WWP2: variants seen among roughly 807,000 people sequenced by gnomAD.
WWP2 encodes NEDD4-like E3 ubiquitin-protein ligase WWP2.
Under a neutral mutation model 121.0 loss-of-function variants are expected in WWP2, and 57 were observed. The ratio of observed to expected loss-of-function variants is 0.47; its 90% CI spans 0.38 to 0.59. The LOEUF (loss-of-function observed/expected upper bound fraction) is 0.59, where lower values mean the gene tolerates loss of function less well. WWP2 is among the 20% of genes least tolerant of loss of function. The pLI is 0.00. For missense variants in WWP2, 962 were observed against 1,158.9 expected, an observed-to-expected ratio of 0.83 and a Z score of 2.47; for synonymous variants, 449 against 441.3, an observed-to-expected ratio of 1.02 and a Z score of -0.22.
chr16:69,892,679 G>A (rs1285577634), intron 8 of WWP2, among the ~76,000 whole-genome samples: 1 of 152,064 alleles, frequency 6.6e-6, no homozygotes, highest in East Asian at 1.9e-4. Context: ...GACTACAGGT[G>A]CCTGCCACCA....
chr16:69,844,047 G>A (rs1339083217), intron 6 of WWP2, among the ~76,000 whole-genome samples: 1 of 152,168 alleles, frequency 6.6e-6, no homozygotes, highest in Admixed American at 6.5e-5. Context: ...GCAAGTGGCG[G>A]GAGCAAGACA....
intron 11 of WWP2, among the ~76,000 whole-genome samples, chr16:69,927,886 T>A (rs1413573101): frequency 6.6e-6 from 1 of 152,242 alleles, no homozygotes. Flanking sequence ...GGTCTCGAAC[T>A]CCTGGGCTCG....
At chr16:69,887,903 A>G in intron 7 of WWP2, 136 bp from the exon 8 acceptor site, 1 of 1,020,004 alleles carries the variant, frequency 9.8e-7, no homozygotes, top group Non-Finnish European at 1.4e-6. Flanking sequence ...TGTTTTGTAA[A>G]ACTTTTTGCT....
intron 6 of WWP2, among the ~76,000 whole-genome samples, chr16:69,851,876 G>A (rs1469731896): frequency 6.6e-6 from 1 of 152,058 alleles, no homozygotes; most frequent in Non-Finnish European, 1.5e-5. Flanking sequence ...CCAGCTACTC[G>A]GGAGGCTGAG....
At chr16:69,771,458 G>T (rs1567654234) in intron 1 of WWP2, among the ~76,000 whole-genome samples, 1 of 152,130 alleles carries the variant, frequency 6.6e-6, no homozygotes, top group Non-Finnish European at 1.5e-5. Context: ...TGTTGGCCAG[G>T]CTGGTCTCGA....
Position 69,931,572 on chromosome 16 carries a change from T to C in WWP2, c.1585T>C (p.Phe529Leu). ...VSRQTLFEDS[F>L]QQIMNMKPYD... is the part of the protein sequence containing the mutation. ...CAGGCAGACGCTTTTCGAAGATTCC[T>C]TCCAACAGGTTAGATCATGGTGCCC... The change falls in exon 15 of 24, where the codon TTC becomes CTC. Residue 529 changes from phenylalanine (F) to leucine (L), a missense_variant. By Grantham distance (22) the Phe-to-Leu change is conservative. Around this residue, in one of 3 missense-constraint regions of WWP2, gnomAD observed 606 missense variants for 772.6 expected, o/e 0.78. Transcript: ENST00000359154. 6.2e-7 allele frequency: 1 copy of C among 1,614,036 alleles called. No homozygotes were observed. The highest frequency in any genetic ancestry group is 1.1e-5 in the South Asian group (1 of 91,070).
At chr16:69,904,518 G>T (rs924550005) in intron 8 of WWP2, among the ~76,000 whole-genome samples, 14 of 151,884 alleles carry the variant, frequency 9.2e-5, no homozygotes, top group Admixed American at 8.5e-4. Context: ...ACAGGTATGT[G>T]CCAGCACATC....
chr16:69,808,346 T>A (rs1315819240), intron 4 of WWP2, among the ~76,000 whole-genome samples: 1 of 152,102 alleles, frequency 6.6e-6, no homozygotes, highest in East Asian at 1.9e-4. Context: ...CACTTTGGTC[T>A]CCAAAAATGC....
chr16:69,930,521 AC>A (rs939411120), intron 13 of WWP2, among the ~76,000 whole-genome samples: 5 of 152,048 alleles, frequency 3.3e-5, no homozygotes, highest in African/African-American at 9.7e-5. Context: ...AAATGGCAAG[AC>A]CCCATCTCTA....
At chr16:69,791,646 G>A (rs2055913362) in intron 2 of WWP2, among the ~76,000 whole-genome samples, 1 of 152,192 alleles carries the variant, frequency 6.6e-6, no homozygotes, top group Non-Finnish European at 1.5e-5. Context: ...AGCCTCCTGA[G>A]TAGCTAGGAC....
chr16:69,931,517 C>G lies in WWP2; in HGVS notation c.1530C>G (p.Ala510=). The part of the protein sequence containing the change: ...HQFRFLCHSN[A]LPSHVKISVS... The stretch of plus-strand genomic sequence containing the variant: ...TCTTTTTTTTTTTTCAGTCAAATGC[C>G]CTACCTAGCCACGTGAAGATCAGCG... The change falls in exon 15 of 24, where the codon GCC becomes GCG. Residue 510 remains alanine (A), a synonymous_variant. Coordinates refer to ENST00000359154, the MANE Select transcript of WWP2 (RefSeq NM_001270454.2). The G allele has an allele frequency of 6.2e-7, 1 of 1,613,714 alleles. No individual in the cohort carries two copies. The highest frequency in any genetic ancestry group is 8.5e-7 in the Non-Finnish European group (1 of 1,179,924).
At chr16:69,862,199 G>A (rs967898751) in intron 6 of WWP2, among the ~76,000 whole-genome samples, 12 of 152,246 alleles carry the variant, frequency 7.9e-5, no homozygotes, top group African/African-American at 2.9e-4. Flanking sequence ...CTGAGTAGCT[G>A]GGATTACAGG....
At chr16:69,930,400 C>A in intron 13 of WWP2, 142 bp downstream of exon 13, 1 of 1,334,976 alleles carries the variant, frequency 7.5e-7, no homozygotes, top group Non-Finnish European at 1.0e-6. Context: ...ATGTTGATGT[C>A]ATATTAAAGG....
chr16:69,880,481 T>C (rs1278277829), intron 7 of WWP2, among the ~76,000 whole-genome samples: 4 of 152,224 alleles, frequency 2.6e-5, no homozygotes, highest in Non-Finnish European at 5.9e-5. Flanking sequence ...TTGAATTCTT[T>C]GAAGCACAGT....
intron 7 of WWP2, among the ~76,000 whole-genome samples, chr16:69,878,221 G>A (rs1015438238): frequency 1.3e-5 from 2 of 152,086 alleles, no homozygotes; most frequent in Admixed American, 1.3e-4. Flanking sequence ...TAACAATAAC[G>A]AAAAATTTTA....
Position 69,937,713 on chromosome 16 carries a change from C to G in WWP2, c.2343+61C>G. ...GGGCCATCAACCAAAGGAAACGGGT[C>G]CTGAGGAGGCCTCACGCGCAAGGAC... On this transcript the variant is annotated intron_variant, in intron 21 of 23. Transcript: ENST00000359154. This position sits in a 1 kb window ranked among gnomAD's most constrained non-coding sequence, Gnocchi z 6.6. The G allele has an allele frequency of 6.5e-7, 1 of 1,534,870 alleles. No individual in the cohort carries two copies. The highest frequency in any genetic ancestry group is 9.0e-7 in the Non-Finnish European group (1 of 1,114,296).
chr16:69,766,815 A>G (rs1457743512), intron 1 of WWP2, among the ~76,000 whole-genome samples: 1 of 152,104 alleles, frequency 6.6e-6, no homozygotes, highest in Non-Finnish European at 1.5e-5. Flanking sequence ...GTGCAATGGT[A>G]CGATCTTGGC....
At chr16:69,849,116 C>G (rs2057148575) in intron 6 of WWP2, among the ~76,000 whole-genome samples, 1 of 152,200 alleles carries the variant, frequency 6.6e-6, no homozygotes, top group South Asian at 2.1e-4. Flanking sequence ...TGCAGACAGC[C>G]TATCCCAGAA....
At chr16:69,938,831 G>A (rs1290323356) in intron 21 of WWP2, among the ~76,000 whole-genome samples, 196 bp from the exon 22 acceptor site, 1 of 152,226 alleles carries the variant, frequency 6.6e-6, no homozygotes, top group Non-Finnish European at 1.5e-5. Context: ...GGACTGGTGG[G>A]AATCTCATGC....
Sources: gnomAD v4.1 joint callset for allele counts (sites outside exome capture counted in the v4.1 genomes callset) on GRCh38, gnomAD v4.1.1 for gene constraint, gnomAD v4.1.1 regional missense constraint, Gnocchi (gnomAD v3.1) non-coding constraint, MANE v1.5 for transcripts, NCBI Gene and HGNC (gene_info 2026-07-23, HGNC 2026-07-21) for gene names.